LY6S: variants seen among roughly 807,000 people sequenced by gnomAD.
LY6S encodes lymphocyte antigen 6 family member S, also known as lymphocyte antigen 6S.
the LY6S span, among the ~76,000 whole-genome samples, chr8:143,061,689 C>T: frequency 6.6e-6 from 1 of 151,898 alleles, no homozygotes; most frequent in African/African-American, 2.4e-5. Flanking sequence ...GGATCACAGG[C>T]ATGTGCCACC....
At chr8:143,045,614 C>T in the LY6S span, among the ~76,000 whole-genome samples, 1 of 152,122 alleles carries the variant, frequency 6.6e-6, no homozygotes, top group Non-Finnish European at 1.5e-5. The surrounding 1 kb of genome is among the most constrained non-coding windows in gnomAD (Gnocchi z 5.3). Context: ...TCCTTAGCGC[C>T]CCCACCCAGG....
the LY6S span, chr8:143,057,255 TA>T: frequency 6.6e-3 from 1,143 of 174,094 alleles, 8 homozygotes; most frequent in African/African-American, 0.029. Context: ...TTATTATTTT[TA>T]TTTTTTTTTT....
chr8:143,065,908 C>A, the LY6S span: 1 of 251,240 alleles, frequency 4.0e-6, no homozygotes, highest in Non-Finnish European at 7.9e-6. Flanking sequence ...TTTAAGGACT[C>A]AGTTCCTCAC....
At chr8:143,050,102 G>A in the LY6S span, among the ~76,000 whole-genome samples, 3 of 151,582 alleles carry the variant, frequency 2.0e-5, no homozygotes, top group South Asian at 2.1e-4. Flanking sequence ...TGGACTCTGC[G>A]CCCTGCAGGT....
At chr8:143,044,037 G>C in the LY6S span, 2 of 429,226 alleles carry the variant, frequency 4.7e-6, no homozygotes, top group Non-Finnish European at 9.3e-6. Context: ...ATGCAGCTCC[G>C]AGAGCTGAGG....
chr8:143,042,723 C>T, the LY6S span, among the ~76,000 whole-genome samples: 1 of 152,160 alleles, frequency 6.6e-6, no homozygotes, highest in Non-Finnish European at 1.5e-5. Flanking sequence ...TTCAGGTAGC[C>T]CAGAGAGCTG....
At chr8:143,070,461 TATAATATATATATAAATATATATA>T in the LY6S span, among the ~76,000 whole-genome samples, 5 of 44,066 alleles carry the variant, frequency 1.1e-4, no homozygotes, top group African/African-American at 3.6e-4. Context: ...TATATATATA[TATAATATATATATAAATATATATA>T]TATATTTTTT....
the LY6S span, among the ~76,000 whole-genome samples, chr8:143,051,630 A>T: frequency 1.3e-5 from 2 of 152,162 alleles, no homozygotes; most frequent in African/African-American, 4.8e-5. Flanking sequence ...CTCATAGGTC[A>T]AAAGCTCTTG....
At chr8:143,051,274 G>C in the LY6S span, among the ~76,000 whole-genome samples, 2 of 152,134 alleles carry the variant, frequency 1.3e-5, no homozygotes, top group African/African-American at 4.8e-5. Context: ...GCAGCTCAGC[G>C]TGGTGGCTGT....
chr8:143,060,980 A>AAAGAACAGCTG, the LY6S span, among the ~76,000 whole-genome samples: 1 of 152,002 alleles, frequency 6.6e-6, no homozygotes, highest in African/African-American at 2.4e-5. Context: ...AAAGAAAGAT[A>AAAGAACAGCTG]GGAAAAATAA....
the LY6S span, chr8:143,059,847 T>C: frequency 6.6e-6 from 1 of 152,220 alleles, no homozygotes; most frequent in African/African-American, 2.4e-5. Context: ...TCTGAATTGT[T>C]CATGAGTGTG....
the LY6S span, among the ~76,000 whole-genome samples, chr8:143,059,011 T>C: frequency 6.6e-6 from 1 of 152,402 alleles, no homozygotes; most frequent in East Asian, 1.9e-4. Flanking sequence ...TAATGACTAA[T>C]GATATTCATA....
the LY6S span, among the ~76,000 whole-genome samples, chr8:143,064,803 C>T: frequency 6.7e-4 from 102 of 152,274 alleles, no homozygotes; most frequent in East Asian, 1.3e-3. Context: ...TGGGTCCGTG[C>T]GGGGAATTGC....
chr8:143,075,236 C>A, the LY6S span, among the ~76,000 whole-genome samples: 1 of 152,104 alleles, frequency 6.6e-6, no homozygotes, highest in Non-Finnish European at 1.5e-5. The surrounding 1 kb of genome is among the most constrained non-coding windows in gnomAD (Gnocchi z 4.1). Context: ...AATAGGCATT[C>A]TCAGTCCTGT....
chr8:143,049,425 A>G, the LY6S span: 6 of 390,656 alleles, frequency 1.5e-5, no homozygotes, highest in Admixed American at 1.4e-4. Flanking sequence ...CCGTCTTTCC[A>G]GAGGAATCAG....
chr8:143,044,715 GA>G, the LY6S span: 1 of 1,367,616 alleles, frequency 7.3e-7, no homozygotes, highest in African/African-American at 1.5e-5. Context: ...GGGAGACACA[GA>G]CCCCATCCAG....
chr8:143,061,676 C>G, the LY6S span, among the ~76,000 whole-genome samples: 4 of 152,314 alleles, frequency 2.6e-5, no homozygotes, highest in South Asian at 8.3e-4. Context: ...TCCCAAATAG[C>G]TGGGATCACA....
At chr8:143,049,079 A>G in the LY6S span, 1 of 471,952 alleles carries the variant, frequency 2.1e-6, no homozygotes, top group African/African-American at 2.0e-5. Flanking sequence ...TGTATGCCAA[A>G]TGCCCGTGAC....
chr8:143,066,049 G>C, the LY6S span: 1 of 387,546 alleles, frequency 2.6e-6, no homozygotes, highest in Non-Finnish European at 4.9e-6. Flanking sequence ...ACACAAGAAA[G>C]TAGCTTCACA....
Sources: gnomAD v4.1 joint callset for allele counts (sites outside exome capture counted in the v4.1 genomes callset) on GRCh38, gnomAD v4.1.1 for gene constraint, Gnocchi (gnomAD v3.1) non-coding constraint, MANE v1.5 for transcripts, NCBI Gene and HGNC (gene_info 2026-07-23, HGNC 2026-07-21) for gene names.